Variants in IQSEC1 observed in about 807,000 individuals in gnomAD.
IQSEC1 encodes IQ motif and Sec7 domain ArfGEF 1.
IQSEC1 carries 31 observed loss-of-function variants against 91.0 expected under a neutral mutation model. That is an observed-to-expected ratio of 0.34 (90% confidence interval 0.26 to 0.46). IQSEC1 has a LOEUF of 0.46. Among genes scored for constraint, IQSEC1 ranks in the 20% least tolerant of loss-of-function variants. The pLI is 1.00. For missense variants in IQSEC1, 1,388 were observed against 1,575.6 expected (o/e 0.88, Z 2.02); for synonymous variants, 699 against 662.6 (o/e 1.05, Z -0.84).
At chr3:12,986,204 C>T (rs1050313688) in intron 1 of IQSEC1, among the ~76,000 whole-genome samples, 9 of 152,232 alleles carry the variant, frequency 5.9e-5, no homozygotes, top group Admixed American at 2.0e-4. Context: ...GGGAAGGCTA[C>T]GTCACAGGCT....
At chr3:13,037,245 T>C (rs978677753) in intron 1 of IQSEC1, among the ~76,000 whole-genome samples, 1 of 152,066 alleles carries the variant, frequency 6.6e-6, no homozygotes, top group African/African-American at 2.4e-5. Context: ...GAAAGCAAGT[T>C]CACTAAGCCC....
chr3:12,941,521 A>C, intron 2 of IQSEC1, 50 bp downstream of exon 2: 30 of 1,467,836 alleles, frequency 2.0e-5, no homozygotes, highest in Non-Finnish European at 2.5e-5. Flanking sequence ...CATGGTGGGC[A>C]GAGCTGCCCT....
chr3:13,261,583 C>T (rs189390155), intron 1 of IQSEC1, among the ~76,000 whole-genome samples: 31 of 152,186 alleles, frequency 2.0e-4, no homozygotes, highest in African/African-American at 5.5e-4. Flanking sequence ...AGTCTGTTCC[C>T]ATCTCCCCCA....
At chr3:13,053,380 T>C (rs1704763248) in intron 1 of IQSEC1, among the ~76,000 whole-genome samples, 1 of 152,200 alleles carries the variant, frequency 6.6e-6, no homozygotes, top group South Asian at 2.1e-4. Flanking sequence ...AAAGAACCCA[T>C]TCGCTGCTGT....
At chr3:12,949,222 C>G (rs939329879) in intron 1 of IQSEC1, among the ~76,000 whole-genome samples, 2 of 152,222 alleles carry the variant, frequency 1.3e-5, no homozygotes, top group Non-Finnish European at 1.5e-5. Flanking sequence ...CTGCTGGCAG[C>G]TTGGACAGGG....
At chr3:12,986,734 G>T (rs1159736911) in intron 1 of IQSEC1, among the ~76,000 whole-genome samples, 1 of 152,204 alleles carries the variant, frequency 6.6e-6, no homozygotes. Flanking sequence ...ACTAGGCACT[G>T]AAGAGGACGA....
intron 3 of IQSEC1, among the ~76,000 whole-genome samples, chr3:12,926,901 C>T (rs1205618441): frequency 6.6e-6 from 1 of 152,208 alleles, no homozygotes; most frequent in Non-Finnish European, 1.5e-5. Flanking sequence ...AGACACCAGC[C>T]AGCTTGGTCC....
chr3:13,239,646 C>T (rs1472645250), intron 1 of IQSEC1, among the ~76,000 whole-genome samples: 1 of 152,256 alleles, frequency 6.6e-6, no homozygotes, highest in Non-Finnish European at 1.5e-5. Flanking sequence ...ACCCCACTTA[C>T]TGAGGACAAA....
At chr3:12,942,937 C>T (rs554908414) in intron 1 of IQSEC1, among the ~76,000 whole-genome samples, 16 of 152,362 alleles carry the variant, frequency 1.1e-4, no homozygotes, top group Admixed American at 2.6e-4. Flanking sequence ...CCTGCCTACG[C>T]CCTGATCCCC....
chr3:13,240,112 T>C (rs1694996549), intron 1 of IQSEC1, among the ~76,000 whole-genome samples: 1 of 152,024 alleles, frequency 6.6e-6, no homozygotes, highest in Non-Finnish European at 1.5e-5. Flanking sequence ...GGTGTGGTGG[T>C]TCATGCCTAT....
At chr3:12,902,622 TGCAG>T in intron 13 of IQSEC1, 147 bp downstream of exon 13, 1 of 593,426 alleles carries the variant, frequency 1.7e-6, no homozygotes, top group South Asian at 2.1e-5. Context: ...TGCATCTCTG[TGCAG>T]TAGGGGAAGG....
chr3:13,138,464 C>T (rs1706747322), intron 2 of IQSEC1, among the ~76,000 whole-genome samples: 3 of 152,094 alleles, frequency 2.0e-5, no homozygotes, highest in Admixed American at 2.0e-4. Flanking sequence ...AGCCTCCCGT[C>T]ACCTGAAGCC....
Position 12,957,796 on chromosome 3 carries a change from C to T in IQSEC1, c.24-15931G>A, listed in dbSNP as rs113577543. On this transcript the variant is annotated intron_variant, in intron 1 of 13. Transcript: ENST00000613206. Reference sequence around the variant, plus strand: ...TATGGCATTCCCATGTACCCACTGCCCCAACACAGGCACAGCCACTATCAA... The same window carrying T: ...TATGGCATTCCCATGTACCCACTGCTCCAACACAGGCACAGCCACTATCAA... Among the ~76,000 whole-genome samples, 406 of 152,308 alleles carry T rather than the reference C, an allele frequency of 2.7e-3. 1 individual carries two copies. Among genetic ancestry groups the T allele is most frequent in the African/African-American group, 9.2e-3 (382 of 41,560 alleles).
chr3:13,245,128 G>C (rs1305981899), intron 1 of IQSEC1, among the ~76,000 whole-genome samples: 1 of 152,134 alleles, frequency 6.6e-6, no homozygotes, highest in Admixed American at 6.5e-5. Flanking sequence ...GCTGGGCTTG[G>C]CTGATCGAGT....
intron 1 of IQSEC1, among the ~76,000 whole-genome samples, chr3:13,220,542 AG>A (rs371655498): frequency 4.5e-4 from 69 of 152,376 alleles, no homozygotes; most frequent in African/African-American, 1.5e-3. Context: ...CCCAGGGAAG[AG>A]GACTCCCTGC....
At position 12,924,612 on chromosome 3, in the gene IQSEC1, G is replaced by A; in HGVS notation, c.1699C>T (p.Arg567Trp). The A allele has an allele frequency of 6.2e-7, 1 of 1,608,982 alleles. No homozygotes were observed. Among genetic ancestry groups the A allele is most frequent in the Non-Finnish European group, 8.5e-7 (1 of 1,177,132 alleles). ...RQMIGEFLGN[R>W]QKQFNRDVLD... ...ACGTCACGGTTGAACTGCTTCTGCC[G>A]GTTGCCCAGGAACTCGCCGATCATC... The change falls in exon 4 of 14, where the codon CGG (arginine) becomes TGG (tryptophan). Residue 567 changes from arginine (R) to tryptophan (W), a missense_variant. By Grantham distance (101) the Arg-to-Trp change is moderately radical (BLOSUM62 -3). Coordinates refer to ENST00000613206, the MANE Select transcript of IQSEC1 (RefSeq NM_001134382.3). The surrounding 1 kb of genome is among the most constrained non-coding windows in gnomAD (Gnocchi z 6.3).
At chr3:13,005,832 C>T (rs947459893) in intron 1 of IQSEC1, among the ~76,000 whole-genome samples, 8 of 152,162 alleles carry the variant, frequency 5.3e-5, no homozygotes, top group African/African-American at 9.7e-5. Flanking sequence ...TGAGGGTCCC[C>T]CTTGCAGAGC....
At chr3:13,076,850 C>T (rs1238797304), upstream of IQSEC1, among the ~76,000 whole-genome samples, 1 of 152,100 alleles carries the variant, frequency 6.6e-6, no homozygotes, top group Admixed American at 6.5e-5. Flanking sequence ...CTTTACCTCC[C>T]ACCCTCCTAA....
chr3:12,977,426 A>G (rs1048390903), intron 1 of IQSEC1, among the ~76,000 whole-genome samples: 1 of 151,998 alleles, frequency 6.6e-6, no homozygotes, highest in African/African-American at 2.4e-5. Flanking sequence ...CTTTCCTGGT[A>G]GCTTTACCAA....
Sources: allele counts gnomAD v4.1 joint callset (sites outside exome capture counted in the v4.1 genomes callset), GRCh38; gene constraint gnomAD v4.1.1; non-coding constraint Gnocchi (gnomAD v3.1); transcripts MANE v1.5; gene names NCBI Gene and HGNC (gene_info 2026-07-23, HGNC 2026-07-21).